Variants in NFIA observed in about 807,000 individuals in gnomAD.
NFIA encodes the protein nuclear factor I A.
Under a neutral mutation model 62.8 loss-of-function variants are expected in NFIA, and 8 were observed. The ratio of observed to expected loss-of-function variants is 0.13; its 90% confidence interval spans 0.07 to 0.23. NFIA has a LOEUF of 0.23. Ranked by LOEUF, NFIA falls within the 10% of genes least tolerant of loss-of-function variation. NFIA has a pLI of 1.00. For synonymous variants in NFIA, 235 were observed against 238.1 expected, an observed-to-expected ratio of 0.99 and a Z score of 0.12; for missense variants, 410 against 642.1, an observed-to-expected ratio of 0.64 and a Z score of 3.91.
intron 10 of NFIA, among the ~76,000 whole-genome samples, chr1:61,440,181 G>A (rs1222858943): frequency 6.6e-6 from 1 of 152,084 alleles, no homozygotes; most frequent in African/African-American, 2.4e-5. Flanking sequence ...AAATGTGATG[G>A]GCTAAGTGTC....
chr1:61,406,057 A>T (rs1665802656), intron 8 of NFIA, among the ~76,000 whole-genome samples: 1 of 152,208 alleles, frequency 6.6e-6, no homozygotes, highest in Non-Finnish European at 1.5e-5. Flanking sequence ...AGTGAAAATA[A>T]AATATTACTT....
intron 2 of NFIA, among the ~76,000 whole-genome samples, chr1:61,252,915 A>G (rs1044836766): frequency 6.6e-6 from 1 of 152,204 alleles, no homozygotes; most frequent in Non-Finnish European, 1.5e-5. Flanking sequence ...ACAGAGTTTT[A>G]GAGATGTTTT....
At chr1:61,134,992 A>G (rs1292464945) in intron 2 of NFIA, among the ~76,000 whole-genome samples, 1 of 152,236 alleles carries the variant, frequency 6.6e-6, no homozygotes, top group East Asian at 1.9e-4. Flanking sequence ...TCATTAGGAC[A>G]ATTACTTTTT....
intron 2 of NFIA, among the ~76,000 whole-genome samples, chr1:61,212,821 G>A (rs2100605612): frequency 6.6e-6 from 1 of 152,324 alleles, no homozygotes; most frequent in South Asian, 2.1e-4. Flanking sequence ...AGGCCGTGTG[G>A]TTAAACCACT....
At chr1:61,101,958 A>G (rs1389431783) in intron 2 of NFIA, among the ~76,000 whole-genome samples, 1 of 152,154 alleles carries the variant, frequency 6.6e-6, no homozygotes, top group African/African-American at 2.4e-5. Flanking sequence ...GGCCCAATAT[A>G]TATTGGATTT....
At position 61,182,617 on chromosome 1, in the gene NFIA, T is replaced by C. The variant is rs566222118; in HGVS notation, c.559+93937T>C. ...AGCAAATGTTTCCGTTAAACAAATG[T>C]GTATTTTATTTGAAACAGATGAAAT... On this transcript the variant is annotated intron_variant, in intron 2 of 10. Coordinates refer to ENST00000403491, the MANE Select transcript of NFIA (RefSeq NM_001134673.4). Among the ~76,000 whole-genome samples the C allele has an allele frequency of 1.7e-3, 260 of 152,312 alleles. 1 individual carries two copies. Among genetic ancestry groups the C allele is most frequent in the African/African-American group, 6.1e-3 (253 of 41,566 alleles).
intron 3 of NFIA, among the ~76,000 whole-genome samples, chr1:61,295,612 C>T (rs184668754): frequency 1.6e-4 from 24 of 152,278 alleles, no homozygotes; most frequent in Admixed American, 1.0e-3. Context: ...GGCTGTGAAA[C>T]GCTTTAAGAA....
chr1:61,077,480 C>A, upstream of NFIA: 1 of 693,140 alleles, frequency 1.4e-6, no homozygotes, highest in Non-Finnish European at 2.1e-6. Context: ...CTGCAATTGG[C>A]CAACAGCTTT....
chr1:61,439,607 A>G (rs1173084027), intron 10 of NFIA: 1 of 152,154 alleles, frequency 6.6e-6, no homozygotes, highest in Non-Finnish European at 1.5e-5. Context: ...TCCCATCAAT[A>G]CGATTGATTT....
chr1:61,081,880 C>A (rs1646099690), upstream of NFIA: 1 of 1,543,186 alleles, frequency 6.5e-7, no homozygotes. Flanking sequence ...TTGAGCCTTA[C>A]CGCATTTCAG....
rs575607034 is a variant in NFIA at position 61,343,991 on chromosome 1, CCA to C, written c.701-8456_701-8455del. Among the ~76,000 whole-genome samples, 20 of 152,270 alleles carry C rather than the reference CCA, an allele frequency of 1.3e-4. 1 individual carries two copies. The highest frequency in any genetic ancestry group is 3.9e-4 in the East Asian group (2 of 5,180). ...TCATCAGTTTTACAGCCTCTCACAG[CCA>C]CAGTCAGGAAACTCTGGCAGAGAGC... On this transcript the variant is annotated intron_variant, in intron 4 of 10. Transcript: ENST00000403491.
intron 2 of NFIA, among the ~76,000 whole-genome samples, chr1:61,226,210 C>T (rs948613496): frequency 2.7e-4 from 41 of 152,222 alleles, no homozygotes; most frequent in African/African-American, 9.9e-4. Flanking sequence ...CTCATGCTGT[C>T]GACGTTAAGC....
Position 61,104,219 on chromosome 1 carries a change from G to A in NFIA, c.559+15539G>A, listed in dbSNP as rs537870601. On this transcript the variant is annotated intron_variant, in intron 2 of 10. Coordinates refer to ENST00000403491, the MANE Select transcript of NFIA (RefSeq NM_001134673.4). ...GAGTGGACACTCACATTTTTTGTGG[G>A]TTTTGAATCACATAGTGTCTTGCTG... Among the ~76,000 whole-genome samples the A allele has an allele frequency of 5.1e-4, 78 of 152,118 alleles. 1 individual carries two copies. Among genetic ancestry groups the A allele is most frequent in the African/African-American group, 1.8e-3 (74 of 41,518 alleles).
chr1:61,240,155 G>T (rs1016035131), intron 2 of NFIA, among the ~76,000 whole-genome samples: 1 of 152,086 alleles, frequency 6.6e-6, no homozygotes, highest in Non-Finnish European at 1.5e-5. Context: ...ATTAAGTGAA[G>T]TAAAATGTTT....
chr1:61,444,524 T>C (rs916821188), intron 10 of NFIA, among the ~76,000 whole-genome samples: 1 of 152,078 alleles, frequency 6.6e-6, no homozygotes, highest in African/African-American at 2.4e-5. Context: ...TCCTGAGGAG[T>C]GTTTTATTTA....
At chr1:61,164,694 T>C (rs1649451349) in intron 2 of NFIA, among the ~76,000 whole-genome samples, 1 of 152,136 alleles carries the variant, frequency 6.6e-6, no homozygotes, top group Admixed American at 6.5e-5. Context: ...TCTCCTGACC[T>C]CATGATCTGC....
chr1:61,248,424 G>A (rs1273579778), intron 2 of NFIA, among the ~76,000 whole-genome samples: 1 of 152,068 alleles, frequency 6.6e-6, no homozygotes, highest in African/African-American at 2.4e-5. Flanking sequence ...CAGGCTTTCT[G>A]GAACCCCCAA....
intron 10 of NFIA, among the ~76,000 whole-genome samples, chr1:61,441,226 A>G (rs1387971581): frequency 6.6e-6 from 1 of 152,122 alleles, no homozygotes; most frequent in African/African-American, 2.4e-5. Flanking sequence ...TGCAATTCCA[A>G]GGAACAAATG....
intron 2 of NFIA, among the ~76,000 whole-genome samples, chr1:61,256,521 C>A (rs1656408947): frequency 6.6e-6 from 1 of 151,020 alleles, no homozygotes; most frequent in Non-Finnish European, 1.5e-5. Context: ...CTGTCCTGGG[C>A]TGCATGTGGC....
Sources: gnomAD v4.1 joint callset for allele counts (sites outside exome capture counted in the v4.1 genomes callset) on GRCh38, gnomAD v4.1.1 for gene constraint, MANE v1.5 for transcripts, NCBI Gene and HGNC (gene_info 2026-07-23, HGNC 2026-07-21) for gene names.